The following TENM3 variants were observed in gnomAD, a reference collection of about 807,000 sequenced individuals.
TENM3 encodes the protein teneurin-3.
In TENM3, 63 loss-of-function variants were observed where a neutral mutation model predicts 255.1. The ratio of observed to expected loss-of-function variants is 0.25; its 90% confidence interval spans 0.20 to 0.30. The LOEUF (loss-of-function observed/expected upper bound fraction) is 0.30. Ranked by LOEUF, TENM3 falls within the 10% of genes least tolerant of loss-of-function variation. The probability of loss-of-function intolerance (pLI) is 1.00; values close to 1 mark genes in which losing one functional copy is unlikely to be tolerated. For synonymous variants in TENM3, 1,306 were observed against 1,322.3 expected (o/e 0.99, Z 0.27); for missense variants, 2,929 against 3,461.1 (o/e 0.85, Z 3.86).
chr4:182,653,993 A>G, intron 6 of TENM3, 100 bp downstream of exon 6: 1 of 1,156,876 alleles, frequency 8.6e-7, no homozygotes, highest in Non-Finnish European at 1.1e-6. Context: ...TGGAACAGGG[A>G]AAAGTGTTCG....
chr4:182,099,085 C>CGGA, the TENM3 span, among the ~76,000 whole-genome samples: 1 of 151,296 alleles, frequency 6.6e-6, no homozygotes, highest in Admixed American at 6.6e-5. Flanking sequence ...CCTCAACCTC[C>CGGA]CGAGTAGCTA....
At chr4:182,328,293 G>A (rs1050581893) in intron 2 of TENM3, among the ~76,000 whole-genome samples, 2 of 152,078 alleles carry the variant, frequency 1.3e-5, no homozygotes, top group East Asian at 3.9e-4. Flanking sequence ...TCGGCTCACT[G>A]CAACCTCTGC....
chr4:181,629,946 G>A, the TENM3 span, among the ~76,000 whole-genome samples: 10 of 152,284 alleles, frequency 6.6e-5, no homozygotes, highest in South Asian at 1.5e-3. Flanking sequence ...GATAGAATTC[G>A]GCTGTGAGTC....
intron 3 of TENM3, among the ~76,000 whole-genome samples, chr4:182,349,529 AT>A (rs1463813387): frequency 9.9e-5 from 15 of 152,066 alleles, no homozygotes; most frequent in Non-Finnish European, 1.8e-4. Flanking sequence ...AGCACTGAGG[AT>A]TTTTTTCCTG....
At chr4:182,158,496 G>C (rs1750872675) in intron 1 of TENM3, among the ~76,000 whole-genome samples, 1 of 152,098 alleles carries the variant, frequency 6.6e-6, no homozygotes, top group Admixed American at 6.6e-5. Context: ...CCAGATTGTG[G>C]GTAATCTTGA....
chr4:182,402,682 G>A (rs1038474198), intron 3 of TENM3, among the ~76,000 whole-genome samples: 8 of 151,974 alleles, frequency 5.3e-5, no homozygotes, highest in East Asian at 1.9e-4. Flanking sequence ...TGTTTGCTGC[G>A]CTTGCCTAGG....
intron 3 of TENM3, among the ~76,000 whole-genome samples, chr4:182,553,351 A>T (rs1056628511): frequency 1.5e-5 from 2 of 130,456 alleles, no homozygotes; most frequent in African/African-American, 2.9e-5. Flanking sequence ...GGACACAGGA[A>T]GGGGGACATC....
intron 1 of TENM3, among the ~76,000 whole-genome samples, chr4:182,268,496 C>T (rs1019547504): frequency 2.0e-5 from 3 of 152,288 alleles, no homozygotes; most frequent in Middle Eastern, 3.4e-3. Flanking sequence ...TGAACCAGAG[C>T]AACCCTATCT....
chr4:182,393,884 T>A (rs1383966075), intron 3 of TENM3, among the ~76,000 whole-genome samples: 1 of 152,180 alleles, frequency 6.6e-6, no homozygotes, highest in Non-Finnish European at 1.5e-5. Context: ...CTATTGGATA[T>A]CAGATACCAA....
chr4:181,614,187 G>T, the TENM3 span, among the ~76,000 whole-genome samples: 1 of 151,862 alleles, frequency 6.6e-6, no homozygotes, highest in East Asian at 1.9e-4. Flanking sequence ...TGTCCTCAAA[G>T]ATTTTTTTCA....
At chr4:182,228,396 A>ATATATG (rs1252527535) in intron 1 of TENM3, among the ~76,000 whole-genome samples, 4 of 128,868 alleles carry the variant, frequency 3.1e-5, no homozygotes, top group South Asian at 2.3e-4. Context: ...GTGTGTGTAT[A>ATATATG]TGTAATCCCT....
the TENM3 span, among the ~76,000 whole-genome samples, chr4:181,841,572 G>A: frequency 2.0e-5 from 3 of 152,058 alleles, no homozygotes; most frequent in African/African-American, 4.8e-5. Flanking sequence ...TGGCACTTAC[G>A]TGCTTTTCTT....
chr4:182,693,744 G>A (rs1314696589), intron 12 of TENM3, among the ~76,000 whole-genome samples: 1 of 151,940 alleles, frequency 6.6e-6, no homozygotes, highest in African/African-American at 2.4e-5. Flanking sequence ...AGTGACCTTG[G>A]GCAAGTCATT....
chr4:181,699,559 T>C, the TENM3 span, among the ~76,000 whole-genome samples: 2 of 151,516 alleles, frequency 1.3e-5, no homozygotes, highest in Non-Finnish European at 2.9e-5. Context: ...ACTGAGGAGT[T>C]TTTCACATTT....
At chr4:181,850,977 C>T in the TENM3 span, among the ~76,000 whole-genome samples, 4 of 151,710 alleles carry the variant, frequency 2.6e-5, no homozygotes, top group East Asian at 5.8e-4. Context: ...TAGCTGCTGC[C>T]GGAGGGGACA....
chr4:181,914,741 A>G, the TENM3 span, among the ~76,000 whole-genome samples: 1 of 152,188 alleles, frequency 6.6e-6, no homozygotes, highest in African/African-American at 2.4e-5. Context: ...CTACATCCCG[A>G]AGAAGACAGG....
At chr4:181,973,624 A>T in the TENM3 span, among the ~76,000 whole-genome samples, 1 of 152,140 alleles carries the variant, frequency 6.6e-6, no homozygotes, top group Non-Finnish European at 1.5e-5. Flanking sequence ...AGCTGGGCAC[A>T]GTAATGCATG....
chr4:181,505,414 A>G, the TENM3 span, among the ~76,000 whole-genome samples: 2 of 152,316 alleles, frequency 1.3e-5, no homozygotes, highest in South Asian at 2.1e-4. Flanking sequence ...ATGCACAAGG[A>G]TGGAGTTTAA....
the TENM3 span, among the ~76,000 whole-genome samples, chr4:181,537,908 T>C: frequency 1.3e-5 from 2 of 152,242 alleles, no homozygotes; most frequent in African/African-American, 4.8e-5. Context: ...AAATGCTTAA[T>C]GTAAAACTGC....
Sources: allele counts gnomAD v4.1 joint callset (sites outside exome capture counted in the v4.1 genomes callset), GRCh38; gene constraint gnomAD v4.1.1; transcripts MANE v1.5; gene names NCBI Gene and HGNC (gene_info 2026-07-23, HGNC 2026-07-21).